The following AMMECR1 variants were observed in gnomAD, a reference collection of about 807,000 sequenced individuals.
AMMECR1 encodes nuclear protein AMMECR1.
Under a neutral mutation model 22.5 loss-of-function variants are expected in AMMECR1, and 3 were observed. The observed-to-expected ratio is 0.13, with a 90% CI of 0.06 to 0.35. AMMECR1 has a LOEUF of 0.35. AMMECR1 is among the 10% of genes least tolerant of loss of function. The probability of loss-of-function intolerance (pLI) is 1.00; values close to 1 mark genes in which losing one functional copy is unlikely to be tolerated. For missense variants in AMMECR1, 235 were observed against 278.7 expected (o/e 0.84, Z 1.12); for synonymous variants, 130 against 116.7 (o/e 1.11, Z -0.74).
intron 1 of AMMECR1, among the ~76,000 whole-genome samples, chrX:110,282,665 A>G (rs1052907016): frequency 1.3e-4 from 14 of 111,787 alleles, no homozygotes; most frequent in African/African-American, 3.9e-4. Context: ...TAATAAATAT[A>G]ATTAAGCAGG....
intron 2 of AMMECR1, among the ~76,000 whole-genome samples, chrX:110,410,627 G>T (rs1181455903): frequency 1.8e-5 from 2 of 111,907 alleles, no homozygotes; most frequent in African/African-American, 6.5e-5. Flanking sequence ...CCAGATGCTT[G>T]TCTCCTGGGG....
Position 110,328,516 on chromosome X carries a change from T to C in AMMECR1, c.-147-10667A>G, listed in dbSNP as rs1453024515. Reference sequence around the variant, plus strand: ...AGTTCTGGGATACATGTGCAGAACATGCAGGTTTGTAACATAGGTATAGAC... The same window carrying C: ...AGTTCTGGGATACATGTGCAGAACACGCAGGTTTGTAACATAGGTATAGAC... On this transcript the variant is annotated intron_variant, in intron 2 of 7. Transcript: ENST00000372057. 1.9e-4 allele frequency among the ~76,000 whole-genome samples: 19 copies of C among 102,486 alleles called. No homozygotes were observed. The Admixed American group carries it at 2.0e-3, about 11-fold the overall frequency. The allele number at this position is 102,486 out of a possible 115,157, so 89.0% of individuals were successfully genotyped here.
chrX:110,430,412 CTAT>C (rs1316541753), intron 1 of AMMECR1, among the ~76,000 whole-genome samples: 2 of 112,340 alleles, frequency 1.8e-5, no homozygotes, highest in Non-Finnish European at 3.8e-5. Flanking sequence ...AGGTAGGTTA[CTAT>C]TATTATCTTC....
rs2068139162 is a variant in AMMECR1, at chrX:110,335,847, G to A, written c.-147-17998C>T. Among the ~76,000 whole-genome samples the A allele has an allele frequency of 5.4e-5, 6 of 111,983 alleles. No homozygotes were observed. In the South Asian group the frequency reaches 2.3e-3, roughly 42 times the overall value. On this transcript the variant is annotated intron_variant, in intron 2 of 7. Transcript: ENST00000372057. Reference sequence around the variant, plus strand: ...TGCTAGATGCCATGAACCTCCTGGAGCTTGTTTAGTGGGGAGACTAGCAGC... The same window carrying A: ...TGCTAGATGCCATGAACCTCCTGGAACTTGTTTAGTGGGGAGACTAGCAGC...
chrX:110,400,998 A>G (rs960209690), intron 2 of AMMECR1, among the ~76,000 whole-genome samples: 1 of 112,044 alleles, frequency 8.9e-6, no homozygotes. Flanking sequence ...TATTTAATGA[A>G]TTTCTTTTAA....
intron 2 of AMMECR1, among the ~76,000 whole-genome samples, chrX:110,383,813 C>A (rs910328167): frequency 8.9e-6 from 1 of 111,736 alleles, no homozygotes; most frequent in African/African-American, 3.3e-5. Flanking sequence ...TTTGATAGCA[C>A]CATCCTTATC....
intron 1 of AMMECR1, among the ~76,000 whole-genome samples, chrX:110,311,422 T>C (rs1414570547): frequency 1.8e-5 from 2 of 112,234 alleles, no homozygotes; most frequent in Non-Finnish European, 3.8e-5. Context: ...TGAACAGGAC[T>C]GTAAGCTCTG....
intron 1 of AMMECR1, among the ~76,000 whole-genome samples, chrX:110,273,142 G>A (rs779502992): frequency 8.0e-5 from 9 of 112,023 alleles, no homozygotes; most frequent in South Asian, 7.4e-4. Context: ...ATGTATAAGC[G>A]TTCCCTTTTC....
intron 1 of AMMECR1, among the ~76,000 whole-genome samples, chrX:110,429,332 A>G (rs770515178): frequency 9.0e-6 from 1 of 110,715 alleles, no homozygotes; most frequent in Non-Finnish European, 1.9e-5. Context: ...CCAGTCACTG[A>G]GTTTGCCAAA....
chrX:110,194,302 T>C lies in AMMECR1; in HGVS notation c.*4218A>G, dbSNP rs1424030663. ...AGACCCACATAAACCTTCTCATATT[T>C]TTTCTTTTTGCTCATATTTAATATT... On this transcript the variant is annotated 3_prime_UTR_variant, in exon 6 of 6. Transcript: ENST00000262844. 4 of 112,219 alleles carry C rather than the reference T, an allele frequency of 3.6e-5. No homozygotes were observed. The highest frequency in any genetic ancestry group is 8.4e-3 in the Middle Eastern group (2 of 237). The allele number at this position is 112,219 out of a possible 1,213,427, so 9.2% of individuals were successfully genotyped here.
chrX:110,402,042 C>T (rs983711279), intron 2 of AMMECR1, among the ~76,000 whole-genome samples: 16 of 112,245 alleles, frequency 1.4e-4, no homozygotes, highest in Non-Finnish European at 3.0e-4. Flanking sequence ...CCCACCAGTA[C>T]GCTCAACCTT....
chrX:110,214,654 T>G (rs1466016315), intron 3 of AMMECR1, among the ~76,000 whole-genome samples: 2 of 111,624 alleles, frequency 1.8e-5, no homozygotes, highest in Non-Finnish European at 3.8e-5. Context: ...CCTTTTTCCT[T>G]CCCCCAAAAC....
Position 110,407,056 on chromosome X carries a change from C to T in AMMECR1, c.-148+19602G>A, listed in dbSNP as rs534173079. Among the ~76,000 whole-genome samples, 16 of 111,441 alleles carry T rather than the reference C, an allele frequency of 1.4e-4. No homozygotes were observed. The South Asian group carries it at 4.5e-3, about 32-fold the overall frequency. On this transcript the variant is annotated intron_variant, in intron 2 of 7. Transcript: ENST00000372057. The stretch of plus-strand genomic sequence containing the variant: ...TTTTCCTCGGAAAGCTCTGGTATTG[C>T]GCAAACGCTGCTTTAGGTGATTAAC...
chrX:110,432,330 C>T (rs969955425), intron 1 of AMMECR1, among the ~76,000 whole-genome samples: 2 of 112,484 alleles, frequency 1.8e-5, no homozygotes, highest in African/African-American at 6.5e-5. Context: ...CACTACACCC[C>T]CTGCCGGGTT....
chrX:110,394,064 C>T (rs1484154657), intron 2 of AMMECR1, among the ~76,000 whole-genome samples: 1 of 112,220 alleles, frequency 8.9e-6, no homozygotes, highest in Non-Finnish European at 1.9e-5. Flanking sequence ...ATGTTTATTC[C>T]TTGACCTGAC....
intron 2 of AMMECR1, among the ~76,000 whole-genome samples, chrX:110,372,098 C>G (rs1240441759): frequency 4.5e-5 from 5 of 111,489 alleles, no homozygotes; most frequent in African/African-American, 1.6e-4. Context: ...GCTATTCCCC[C>G]ACCTCTTTGA....
chrX:110,391,897 C>CAA (rs2068496272), intron 2 of AMMECR1, among the ~76,000 whole-genome samples: 1 of 111,847 alleles, frequency 8.9e-6, no homozygotes, highest in Non-Finnish European at 1.9e-5. Context: ...CTGATTTTGT[C>CAA]AAAGGCTTAA....
chrX:110,429,479 G>GT (rs1459699306), intron 1 of AMMECR1, among the ~76,000 whole-genome samples: 136 of 48,194 alleles, frequency 2.8e-3, no homozygotes, highest in East Asian at 9.9e-3. Context: ...TTTTTGTTTT[G>GT]TTTTTTTGGT....
intron 2 of AMMECR1, among the ~76,000 whole-genome samples, chrX:110,336,214 C>A (rs1356527376): frequency 9.0e-6 from 1 of 111,545 alleles, no homozygotes; most frequent in African/African-American, 3.3e-5. Flanking sequence ...CAGTCTCAAC[C>A]TTTTTGAGCT....
Sources: gnomAD v4.1 joint callset for allele counts (sites outside exome capture counted in the v4.1 genomes callset) on GRCh38, gnomAD v4.1.1 for gene constraint, MANE v1.5 for transcripts, NCBI Gene and HGNC (gene_info 2026-07-23, HGNC 2026-07-21) for gene names.